SUSD1: variants seen among roughly 807,000 people sequenced by gnomAD.
SUSD1 encodes sushi domain containing 1.
A neutral mutation model predicts 86.9 loss-of-function variants in SUSD1; 65 were observed. The ratio of observed to expected loss-of-function variants is 0.75; its 90% CI spans 0.61 to 0.92. SUSD1 has a LOEUF of 0.92. Ranked by LOEUF, SUSD1 falls within the 40% of genes least tolerant of loss-of-function variation. The probability of loss-of-function intolerance (pLI) is 0.00; values close to 1 mark genes in which losing one functional copy is unlikely to be tolerated. For synonymous variants in SUSD1, 346 were observed against 350.0 expected, an observed-to-expected ratio of 0.99 and a Z score of 0.13; for missense variants, 850 against 929.7, an observed-to-expected ratio of 0.91 and a Z score of 1.11.
chr9:112,152,609 T>C (rs1833105873), intron 2 of SUSD1, among the ~76,000 whole-genome samples: 1 of 146,736 alleles, frequency 6.8e-6, no homozygotes, highest in African/African-American at 2.5e-5. Context: ...GGGGTCTCAA[T>C]ATGTTGCTCA....
At position 112,041,393 on chromosome 9, in the gene SUSD1, G is replaced by A. The variant is rs1827726948; in HGVS notation, c.*99C>T. Reference sequence around the variant, plus strand: ...AAAGTTGCAGGCCCACATGCTCCCTGGACGGAAGTCACACGGAGCCTCTGT... The same window carrying A: ...AAAGTTGCAGGCCCACATGCTCCCTAGACGGAAGTCACACGGAGCCTCTGT... On this transcript the variant is annotated 3_prime_UTR_variant, in exon 17 of 17. Transcript: ENST00000374270. The A allele has an allele frequency of 1.3e-6, 1 of 775,868 alleles. No individual in the cohort carries two copies. Among genetic ancestry groups the A allele is most frequent in the African/African-American group, 1.7e-5 (1 of 59,058 alleles). The allele number at this position is 775,868 out of a possible 1,614,324, so 48.1% of individuals were successfully genotyped here. A position where few individuals can be genotyped will look rare whatever the true frequency, so the allele number is the denominator to read the frequency against.
At chr9:112,152,044 A>T (rs1295799848) in intron 2 of SUSD1, among the ~76,000 whole-genome samples, 3 of 151,534 alleles carry the variant, frequency 2.0e-5, no homozygotes, top group African/African-American at 7.3e-5. Flanking sequence ...CAAAAAAAAA[A>T]ATACAAAAAT....
chr9:112,078,114 G>A (rs984651172), intron 12 of SUSD1, among the ~76,000 whole-genome samples: 2 of 152,174 alleles, frequency 1.3e-5, no homozygotes, highest in Non-Finnish European at 2.9e-5. Flanking sequence ...GGAGGCCGAG[G>A]CAGGTGGATT....
chr9:112,068,270 G>A (rs1308364123), intron 12 of SUSD1, among the ~76,000 whole-genome samples: 1 of 152,160 alleles, frequency 6.6e-6, no homozygotes, highest in Admixed American at 6.5e-5. Context: ...GGCATGAGGT[G>A]GTGGCAGGGA....
chr9:112,093,426 T>G (rs1830280654), intron 10 of SUSD1, among the ~76,000 whole-genome samples: 1 of 152,162 alleles, frequency 6.6e-6, no homozygotes, highest in African/African-American at 2.4e-5. Context: ...CGCCCTTTCC[T>G]CTGCTTTTCG....
Position 112,134,864 on chromosome 9 carries a change from T to TA in SUSD1, c.706+7455dup, listed in dbSNP as rs202158457. Among the ~76,000 whole-genome samples the TA allele has an allele frequency of 9.5e-3, 1,435 of 151,804 alleles. 9 individuals are homozygous for TA. The highest frequency in any genetic ancestry group is 0.016 in the Non-Finnish European group (1,054 of 67,972). ...AGGAGGATCACCTGAGGCCAGGAAT[T>TA]AGAGACCAGCTGGCCAATGTGATGA... On this transcript the variant is annotated intron_variant, in intron 5 of 16. Transcript: ENST00000374270.
intron 13 of SUSD1, among the ~76,000 whole-genome samples, chr9:112,062,714 A>AT (rs1162859480): frequency 2.0e-5 from 3 of 152,128 alleles, no homozygotes; most frequent in African/African-American, 7.2e-5. Context: ...AAAAAATAAA[A>AT]TTTAAATTTT....
chr9:112,173,149 G>T (rs911379897), intron 1 of SUSD1, among the ~76,000 whole-genome samples: 1 of 152,068 alleles, frequency 6.6e-6, no homozygotes, highest in Non-Finnish European at 1.5e-5. Context: ...AGTCCTATGC[G>T]CACTGTTCTC....
At chr9:112,089,968 T>G (rs1388686842) in intron 10 of SUSD1, among the ~76,000 whole-genome samples, 9 of 152,196 alleles carry the variant, frequency 5.9e-5, no homozygotes, top group Admixed American at 5.9e-4. Context: ...ACTCTGCCTT[T>G]GTTCCAGTAA....
rs1391391346 is a variant in SUSD1, at chr9:112,041,224, T to C, written c.*268A>G. 2 of 591,992 alleles carry C rather than the reference T, an allele frequency of 3.4e-6. No individual in the cohort carries two copies. Among genetic ancestry groups the C allele is most frequent in the Non-Finnish European group, 6.0e-6 (2 of 332,436 alleles). The allele number at this position is 591,992 out of a possible 1,614,324, so 36.7% of individuals were successfully genotyped here. A position where few individuals can be genotyped will look rare whatever the true frequency, so the allele number is the denominator to read the frequency against. ...ATGTAGCCTTCGGTCAATATCACAG[T>C]GTACATCAGGAGTCTCAAGTTCATT... On this transcript the variant is annotated 3_prime_UTR_variant, in exon 17 of 17. Transcript: ENST00000374270.
chr9:112,041,434 G>T lies in SUSD1; in HGVS notation c.*58C>A. 1 of 780,790 alleles carries T rather than the reference G, an allele frequency of 1.3e-6. No individual in the cohort carries two copies. 48.4% of individuals were successfully genotyped at this position (780,790 alleles called of 1,614,324 possible). On this transcript the variant is annotated 3_prime_UTR_variant, in exon 17 of 17. Coordinates refer to ENST00000374270, the MANE Select transcript of SUSD1 (RefSeq NM_022486.5). ...GAGCCTCTGTGCGGGCACCTGAGAA[G>T]CTGCCAGAACACCTGCCCAGCAGCA...
Position 112,159,785 on chromosome 9 carries a change from G to A in SUSD1, c.104-2172C>T, listed in dbSNP as rs150462381. Among the ~76,000 whole-genome samples, 367 of 152,100 alleles carry A rather than the reference G, an allele frequency of 2.4e-3. 3 individuals carry two copies. The highest frequency in any genetic ancestry group is 7.9e-3 in the African/African-American group (328 of 41,490). On this transcript the variant is annotated intron_variant, in intron 1 of 16. Transcript: ENST00000374270. ...AGAGTATACTTTTATACTTCAATGCGGCCTTTAAAATTTTTACTTTTTTCA... is the reference window on the plus strand; with the variant it reads ...AGAGTATACTTTTATACTTCAATGCAGCCTTTAAAATTTTTACTTTTTTCA...
chr9:112,129,194 G>C (rs1387075448), intron 5 of SUSD1, among the ~76,000 whole-genome samples: 1 of 152,208 alleles, frequency 6.6e-6, no homozygotes, highest in Non-Finnish European at 1.5e-5. Context: ...AAGCAGAACT[G>C]AATGTTCGTG....
At chr9:112,116,769 C>T (rs185164620) in intron 6 of SUSD1, among the ~76,000 whole-genome samples, 7 of 152,248 alleles carry the variant, frequency 4.6e-5, no homozygotes, top group South Asian at 2.1e-4. Flanking sequence ...AGGAAAAAGG[C>T]AATGCAGAAG....
chr9:112,093,295 T>C (rs116288695), intron 10 of SUSD1, among the ~76,000 whole-genome samples: 3,340 of 152,290 alleles, frequency 0.022, 118 homozygotes, highest in African/African-American at 0.076. Flanking sequence ...TAAGTTCATA[T>C]ATTACAGGTT....
chr9:112,163,905 G>A (rs1404989654), intron 1 of SUSD1, among the ~76,000 whole-genome samples: 2 of 151,876 alleles, frequency 1.3e-5, no homozygotes, highest in East Asian at 3.9e-4. Context: ...GGTGGCTGAG[G>A]CAAGAGGATC....
chr9:112,043,274 CTAAGA>C (rs1827820839), intron 15 of SUSD1, among the ~76,000 whole-genome samples: 1 of 152,194 alleles, frequency 6.6e-6, no homozygotes, highest in African/African-American at 2.4e-5. Context: ...ATTGTAAAAC[CTAAGA>C]TCAGTGCTTG....
At chr9:112,160,420 T>C (rs1216477099) in intron 1 of SUSD1, among the ~76,000 whole-genome samples, 1 of 152,172 alleles carries the variant, frequency 6.6e-6, no homozygotes, top group East Asian at 1.9e-4. Flanking sequence ...GGCAGGCAGC[T>C]GTACTCCCAG....
At chr9:112,167,015 G>A (rs1217591056) in intron 1 of SUSD1, among the ~76,000 whole-genome samples, 2 of 152,190 alleles carry the variant, frequency 1.3e-5, no homozygotes, top group Admixed American at 1.3e-4. Context: ...ACCTAACAAT[G>A]AGAGGGTGAG....
Sources: gnomAD v4.1 joint callset for allele counts (sites outside exome capture counted in the v4.1 genomes callset) on GRCh38, gnomAD v4.1.1 for gene constraint, MANE v1.5 for transcripts, NCBI Gene and HGNC (gene_info 2026-07-23, HGNC 2026-07-21) for gene names.